Variants in VPS35 observed in about 807,000 individuals in gnomAD.
VPS35 encodes the protein VPS35 retromer complex component, also known as vacuolar protein sorting-associated protein 35.
In VPS35, 21 loss-of-function variants were observed where a neutral mutation model predicts 98.1. That is an observed-to-expected ratio of 0.21 (90% confidence interval 0.15 to 0.31). The LOEUF is 0.31. Ranked by LOEUF, VPS35 falls within the 10% of genes least tolerant of loss-of-function variation. VPS35 has a pLI of 1.00. For missense variants in VPS35, 554 were observed against 950.8 expected, an observed-to-expected ratio of 0.58 and a Z score of 5.49; for synonymous variants, 268 against 318.2, an observed-to-expected ratio of 0.84 and a Z score of 1.68.
intron 14 of VPS35, 105 bp downstream of exon 14, chr16:46,662,878 T>A: frequency 7.8e-7 from 1 of 1,279,660 alleles, no homozygotes; most frequent in South Asian, 1.2e-5. Context: ...TAGTTACACA[T>A]TCAGTAAAAG....
rs528114262 is a variant in VPS35, at chr16:46,682,345, C to A, written c.103-170G>T. 28 of 601,402 alleles carry A rather than the reference C, an allele frequency of 4.7e-5. No individual in the cohort carries two copies. In the South Asian group the frequency reaches 5.0e-4, roughly 11 times the overall value. The allele number at this position is 601,402 out of a possible 1,614,324, so 37.3% of individuals were successfully genotyped here. On this transcript the variant is annotated intron_variant, in intron 2 of 16. Transcript: ENST00000299138. Reference sequence around the variant, plus strand: ...AACTTAGATCGGTTCACCTTGCCGTCTCTACTGAAAAAGAAAAAGATACAT... The same window carrying A: ...AACTTAGATCGGTTCACCTTGCCGTATCTACTGAAAAAGAAAAAGATACAT...
In VPS35 at chr16:46,656,717, T is replaced by C. The variant is rs1965847083; in HGVS notation, c.*3755A>G. 6.6e-6 allele frequency: 1 copy of C among 152,200 alleles called. No individual in the cohort carries two copies. The highest frequency in any genetic ancestry group is 1.5e-5 in the Non-Finnish European group (1 of 68,086). The allele number at this position is 152,200 out of a possible 1,614,324, so 9.4% of individuals were successfully genotyped here. A position where few individuals can be genotyped will look rare whatever the true frequency, so the allele number is the denominator to read the frequency against. ...GAACACAGCAATGAGTGGTACAATA[T>C]ACAATCTGGCTGGGCAAGGTGGCTC... On this transcript the variant is annotated 3_prime_UTR_variant, in exon 17 of 17. Transcript: ENST00000299138.
intron 12 of VPS35, among the ~76,000 whole-genome samples, chr16:46,670,307 G>C (rs1405072733): frequency 6.6e-6 from 1 of 152,066 alleles, no homozygotes; most frequent in Non-Finnish European, 1.5e-5. Context: ...TTTTGAGACG[G>C]AGTTTCACTC....
At chr16:46,688,454 A>T in intron 1 of VPS35, 1 of 987,244 alleles carries the variant, frequency 1.0e-6, no homozygotes, top group South Asian at 4.7e-5. Context: ...CTTGGATTTT[A>T]TCAATGGCGA....
chr16:46,663,341 A>G (rs962722470), intron 13 of VPS35, among the ~76,000 whole-genome samples, 179 bp from the exon 14 acceptor site: 1 of 152,220 alleles, frequency 6.6e-6, no homozygotes, highest in African/African-American at 2.4e-5. Context: ...TCAAAACATC[A>G]TTTGAGGTTA....
chr16:46,666,566 C>A (rs1011008682), intron 13 of VPS35, among the ~76,000 whole-genome samples: 20 of 152,156 alleles, frequency 1.3e-4, no homozygotes, highest in Admixed American at 1.1e-3. Context: ...CCACACCTGG[C>A]CTTTTTATTT....
chr16:46,664,607 C>G (rs750307527), intron 13 of VPS35, among the ~76,000 whole-genome samples: 1 of 151,634 alleles, frequency 6.6e-6, no homozygotes, highest in African/African-American at 2.4e-5. Context: ...CCACAACCTC[C>G]GCCTCCCAGG....
intron 10 of VPS35, chr16:46,673,395 T>C (rs539972251): frequency 8.5e-5 from 13 of 152,198 alleles, no homozygotes; most frequent in African/African-American, 3.1e-4. Flanking sequence ...AAAGAAGAAA[T>C]TTTCTTGATG....
chr16:46,665,641 G>A (rs28485103), intron 13 of VPS35, among the ~76,000 whole-genome samples: 24,302 of 150,756 alleles, frequency 0.16, 2,154 homozygotes, highest in African/African-American at 0.21. Context: ...GGCACAGTGG[G>A]TGACAACACA....
chr16:46,669,841 G>C (rs181743837), intron 12 of VPS35, among the ~76,000 whole-genome samples: 31 of 152,280 alleles, frequency 2.0e-4, no homozygotes, highest in Admixed American at 1.8e-3. Flanking sequence ...GGAAGATCAA[G>C]TGACACATGT....
chr16:46,667,379 T>A (rs1007561898), intron 13 of VPS35, among the ~76,000 whole-genome samples: 1 of 152,210 alleles, frequency 6.6e-6, no homozygotes, highest in African/African-American at 2.4e-5. Flanking sequence ...AGATGTATAG[T>A]TTGCAAATAT....
chr16:46,686,207 C>T (rs36313), intron 1 of VPS35, among the ~76,000 whole-genome samples: 150,003 of 152,270 alleles, frequency 0.99, 73,912 homozygotes, highest in East Asian at 1. Context: ...GCAGTATGTG[C>T]CAGAATTTCC....
intron 13 of VPS35, among the ~76,000 whole-genome samples, chr16:46,664,284 G>A (rs959598242): frequency 1.3e-5 from 2 of 151,886 alleles, no homozygotes; most frequent in Non-Finnish European, 1.5e-5. Context: ...TCAGCCTCCT[G>A]AGTAGCTGGG....
At position 46,658,524 on chromosome 16, in the gene VPS35, TAA is replaced by T. The variant is rs1397888068; in HGVS notation, c.*1946_*1947del. The stretch of plus-strand genomic sequence containing the variant: ...ATTGGGTTTACCTCAACCCAGAAAA[TAA>T]GAGATAATTTACACACTGTACTGAC... On this transcript the variant is annotated 3_prime_UTR_variant, in exon 17 of 17. Transcript: ENST00000299138. 3 of 153,634 alleles carry T rather than the reference TAA, an allele frequency of 2.0e-5. No individual in the cohort carries two copies. Among genetic ancestry groups the T allele is most frequent in the South Asian group, 2.1e-4 (1 of 4,836 alleles). 9.5% of individuals were successfully genotyped at this position (153,634 alleles called of 1,614,324 possible). A position where few individuals can be genotyped will look rare whatever the true frequency, so the allele number is the denominator to read the frequency against.
intron 13 of VPS35, among the ~76,000 whole-genome samples, chr16:46,664,090 C>G (rs578092474): frequency 2.0e-5 from 3 of 152,144 alleles, no homozygotes; most frequent in South Asian, 2.1e-4. Flanking sequence ...ATCCACACAT[C>G]ATCCCTAAAT....
At chr16:46,667,627 T>C (rs1328342110) in intron 13 of VPS35, among the ~76,000 whole-genome samples, 2 of 152,222 alleles carry the variant, frequency 1.3e-5, no homozygotes, top group Non-Finnish European at 2.9e-5. Flanking sequence ...CAAGGAGGTT[T>C]TTCCCTATGT....
At position 46,672,246 on chromosome 16, in the gene VPS35, C is replaced by T. The variant is rs1212047340; in HGVS notation, c.1368+19G>A. 1 of 1,605,674 alleles carries T rather than the reference C, an allele frequency of 6.2e-7. No individual in the cohort carries two copies. Among genetic ancestry groups the T allele is most frequent in the Admixed American group, 1.7e-5 (1 of 59,930 alleles). ...TTGTAACACTGTTTCCCTAAAATAGCACGTAGGTATTCTCTTACCTGGTCT... is the reference window on the plus strand; with the variant it reads ...TTGTAACACTGTTTCCCTAAAATAGTACGTAGGTATTCTCTTACCTGGTCT... On this transcript the variant is annotated intron_variant, in intron 11 of 16. Transcript: ENST00000299138.
intron 3 of VPS35, 169 bp from the exon 4 acceptor site, chr16:46,681,669 A>C: frequency 1.3e-6 from 1 of 745,066 alleles, no homozygotes; most frequent in Admixed American, 2.5e-5. Context: ...ACTTTAAAAT[A>C]AGGGTTTTAA....
At position 46,674,381 on chromosome 16, in the gene VPS35, G is replaced by A. The variant is rs758568605; in HGVS notation, c.1093C>T (p.Arg365Cys). ...INLAMKCYPD[R>C]VDYVDKVLET... ...AGAACTTTATCAACATAGTCCACAC[G>A]ATCAGGGTAACATTTCATGGCAAGA... Residue 365 changes from arginine (R) to cysteine (C), a missense_variant, in exon 10 of 17, where the codon CGT (arginine) becomes TGT (cysteine). Arg to Cys is a radical substitution (Grantham distance 180, BLOSUM62 -3). This residue lies in a region of VPS35 where 254 missense variants were observed against 390.1 expected (regional missense o/e 0.65). Coordinates refer to ENST00000299138, the MANE Select transcript of VPS35 (RefSeq NM_018206.6). 7.4e-6 allele frequency: 12 copies of A among 1,613,814 alleles called. No individual in the cohort carries two copies. The highest frequency in any genetic ancestry group is 1.7e-5 in the Admixed American group (1 of 59,964).
Sources: allele counts gnomAD v4.1 joint callset (sites outside exome capture counted in the v4.1 genomes callset), GRCh38; gene constraint gnomAD v4.1.1; regional missense constraint gnomAD v4.1.1; transcripts MANE v1.5; gene names NCBI Gene and HGNC (gene_info 2026-07-23, HGNC 2026-07-21).